Variants in EFCAB6 observed in about 807,000 individuals in gnomAD.
EFCAB6 encodes EF-hand calcium binding domain 6.
EFCAB6 carries 156 observed loss-of-function variants against 169.8 expected under a neutral mutation model. The observed-to-expected ratio is 0.92, with a 90% CI of 0.81 to 1.05. The LOEUF (loss-of-function observed/expected upper bound fraction) is 1.05. EFCAB6 is among the 50% of genes least tolerant of loss of function. The pLI is 0.00. For synonymous variants in EFCAB6, 698 were observed against 676.4 expected, an observed-to-expected ratio of 1.03 and a Z score of -0.50; for missense variants, 1,800 against 1,829.1, an observed-to-expected ratio of 0.98 and a Z score of 0.29.
chr22:43,580,357 C>A (rs2050638677), intron 25 of EFCAB6, 107 bp downstream of exon 25: 3 of 1,226,994 alleles, frequency 2.4e-6, no homozygotes, highest in East Asian at 2.4e-5. Flanking sequence ...TAACTAGACA[C>A]CCCAAGGAGA....
At position 43,647,391 on chromosome 22, in the gene EFCAB6, C is replaced by T. The variant is rs1293219141; in HGVS notation, c.1984-12175G>A. On this transcript the variant is annotated intron_variant, in intron 17 of 31. Transcript: ENST00000262726. Reference sequence around the variant, plus strand: ...TATTTGTATTGAAGAAGACAAAGAGCGGATAAATTATTAATTAATTCTACA... The same window carrying T: ...TATTTGTATTGAAGAAGACAAAGAGTGGATAAATTATTAATTAATTCTACA... 3.3e-5 allele frequency among the ~76,000 whole-genome samples: 5 copies of T among 152,066 alleles called. No homozygotes were observed. In the South Asian group the frequency reaches 8.3e-4, roughly 25 times the overall value.
At chr22:43,695,292 T>A (rs916401417) in intron 10 of EFCAB6, among the ~76,000 whole-genome samples, 4 of 152,054 alleles carry the variant, frequency 2.6e-5, no homozygotes, top group African/African-American at 9.7e-5. Flanking sequence ...AAATTTTAGA[T>A]ATTATATGCA....
At chr22:43,779,419 T>TTA (rs2061741033) in intron 3 of EFCAB6, among the ~76,000 whole-genome samples, 2 of 152,192 alleles carry the variant, frequency 1.3e-5, no homozygotes, top group Non-Finnish European at 1.5e-5. Flanking sequence ...AAAGTGGTGC[T>TTA]GGGAGGCAAA....
chr22:43,530,706 T>C lies in EFCAB6; in HGVS notation c.4383+109A>G, dbSNP rs141680193. ...GGAAGTGAGATCTGAAGCAGCCAGGTCACACCGGGCCTTCGGCAGCAGGTA... is the reference window on the plus strand; with the variant it reads ...GGAAGTGAGATCTGAAGCAGCCAGGCCACACCGGGCCTTCGGCAGCAGGTA... On this transcript the variant is annotated intron_variant, in intron 31 of 31. Coordinates refer to ENST00000262726, the MANE Select transcript of EFCAB6 (RefSeq NM_022785.4). 91 of 1,549,366 alleles carry C rather than the reference T, an allele frequency of 5.9e-5. No individual in the cohort carries two copies. In the African/African-American group the frequency reaches 1.2e-3, roughly 21 times the overall value.
At chr22:43,685,495 G>A (rs892978317) in intron 11 of EFCAB6, among the ~76,000 whole-genome samples, 2 of 152,154 alleles carry the variant, frequency 1.3e-5, no homozygotes, top group African/African-American at 4.8e-5. Context: ...TTATCACAAC[G>A]TTGCCTTAGT....
At chr22:43,796,228 G>T (rs998833933) in intron 2 of EFCAB6, among the ~76,000 whole-genome samples, 1 of 151,952 alleles carries the variant, frequency 6.6e-6, no homozygotes, top group Non-Finnish European at 1.5e-5. Context: ...GAACACCCTC[G>T]ACCCCATGAC....
intron 22 of EFCAB6, among the ~76,000 whole-genome samples, chr22:43,602,047 T>C (rs2052561109): frequency 1.3e-5 from 2 of 152,246 alleles, no homozygotes; most frequent in African/African-American, 4.8e-5. Context: ...TAGAGGGCTC[T>C]AGGTAAATAC....
chr22:43,548,926 T>C (rs977502981), intron 27 of EFCAB6, among the ~76,000 whole-genome samples: 7 of 152,200 alleles, frequency 4.6e-5, no homozygotes, highest in Non-Finnish European at 8.8e-5. Flanking sequence ...CTGATGTCAT[T>C]CAGATTATAT....
intron 21 of EFCAB6, among the ~76,000 whole-genome samples, chr22:43,613,959 T>C (rs928249032): frequency 6.6e-6 from 1 of 151,946 alleles, no homozygotes; most frequent in Admixed American, 6.6e-5. Flanking sequence ...AGAGCTCTTA[T>C]ATGCAAGAGC....
chr22:43,724,658 C>T (rs190482671), intron 8 of EFCAB6, among the ~76,000 whole-genome samples: 2 of 152,278 alleles, frequency 1.3e-5, no homozygotes, highest in African/African-American at 4.8e-5. Flanking sequence ...GCATGAGCCA[C>T]CGTGCCCTGC....
At chr22:43,713,355 C>T (rs1023784854) in intron 9 of EFCAB6, among the ~76,000 whole-genome samples, 31 of 152,206 alleles carry the variant, frequency 2.0e-4, no homozygotes, top group Admixed American at 1.8e-3. Context: ...TTATCAAAAA[C>T]GTTCTAAACA....
chr22:43,751,285 C>G (rs1365452848), intron 6 of EFCAB6, among the ~76,000 whole-genome samples: 1 of 152,160 alleles, frequency 6.6e-6, no homozygotes, highest in East Asian at 1.9e-4. Context: ...TCAGTACTTC[C>G]CTCAACAGGG....
intron 17 of EFCAB6, among the ~76,000 whole-genome samples, chr22:43,640,280 T>G (rs896566406): frequency 3.3e-5 from 5 of 152,208 alleles, no homozygotes; most frequent in Non-Finnish European, 5.9e-5. Context: ...TCTACATATG[T>G]TATAAATCTT....
At chr22:43,712,622 T>C (rs1400034442) in intron 9 of EFCAB6, among the ~76,000 whole-genome samples, 1 of 152,144 alleles carries the variant, frequency 6.6e-6, no homozygotes, top group East Asian at 1.9e-4. Flanking sequence ...GCAGCTAAAT[T>C]TGTCCATTTC....
At chr22:43,687,448 T>G in intron 11 of EFCAB6, 23 bp downstream of exon 11, 6 of 388,938 alleles carry the variant, frequency 1.5e-5, no homozygotes, top group Non-Finnish European at 1.6e-5. Context: ...CTAAAATTTG[T>G]TTTTTTTTTT....
At position 43,637,445 on chromosome 22, in the gene EFCAB6, A is replaced by G. The variant is rs569649248; in HGVS notation, c.1984-2229T>C. Among the ~76,000 whole-genome samples, 7 of 152,372 alleles carry G rather than the reference A, an allele frequency of 4.6e-5. No individual in the cohort carries two copies. The South Asian group carries it at 1.0e-3, about 23-fold the overall frequency. Reference sequence around the variant, plus strand: ...TTCACTGTCTATGTAAATAACAGACAGTCTGATTGTGAAAGTGTGCGCTGT... The same window carrying G: ...TTCACTGTCTATGTAAATAACAGACGGTCTGATTGTGAAAGTGTGCGCTGT... On this transcript the variant is annotated intron_variant, in intron 17 of 31. Coordinates refer to ENST00000262726, the MANE Select transcript of EFCAB6 (RefSeq NM_022785.4).
chr22:43,644,941 T>C (rs180851964), intron 17 of EFCAB6, among the ~76,000 whole-genome samples: 1 of 152,360 alleles, frequency 6.6e-6, no homozygotes, highest in East Asian at 1.9e-4. Context: ...CATAACTTCT[T>C]AATTTCTACA....
At chr22:43,582,901 A>T (rs1158821044) in intron 24 of EFCAB6, among the ~76,000 whole-genome samples, 2 of 152,218 alleles carry the variant, frequency 1.3e-5, no homozygotes, top group Non-Finnish European at 2.9e-5. Context: ...ACTGCAAACA[A>T]CTACCTTTTC....
chr22:43,607,715 A>C (rs2053019990), intron 22 of EFCAB6, among the ~76,000 whole-genome samples: 1 of 152,164 alleles, frequency 6.6e-6, no homozygotes, highest in Non-Finnish European at 1.5e-5. Flanking sequence ...GTATGAACTC[A>C]TGGTTTCATA....
Sources: gnomAD v4.1 joint callset for allele counts (sites outside exome capture counted in the v4.1 genomes callset) on GRCh38, gnomAD v4.1.1 for gene constraint, MANE v1.5 for transcripts, NCBI Gene and HGNC (gene_info 2026-07-23, HGNC 2026-07-21) for gene names.